The following NEK10 variants were observed in gnomAD, a reference collection of about 807,000 sequenced individuals.
The protein encoded by NEK10 is NIMA related kinase 10.
In NEK10, 122 loss-of-function variants were observed where a neutral mutation model predicts 159.8. The observed-to-expected ratio is 0.76, with a 90% CI of 0.66 to 0.89. The LOEUF (loss-of-function observed/expected upper bound fraction) is 0.89. Among genes scored for constraint, NEK10 ranks in the 40% least tolerant of loss-of-function variants. NEK10 has a pLI of 0.00. For missense variants in NEK10, 1,342 were observed against 1,323.1 expected (o/e 1.01, Z -0.22); for synonymous variants, 466 against 457.1 (o/e 1.02, Z -0.25).
intron 7 of NEK10, among the ~76,000 whole-genome samples, chr3:27,312,794 G>T (rs1275281327): frequency 6.6e-6 from 1 of 152,044 alleles, no homozygotes; most frequent in Non-Finnish European, 1.5e-5. Context: ...GAAATATTAA[G>T]TTATTAAATG....
chr3:27,259,444 G>C (rs143465073), intron 22 of NEK10, among the ~76,000 whole-genome samples: 21,397 of 152,028 alleles, frequency 0.14, 3,264 homozygotes, highest in African/African-American at 0.38. Context: ...TATGGCTAGC[G>C]AGTTTTCCCA....
intron 33 of NEK10, among the ~76,000 whole-genome samples, chr3:27,116,667 T>C (rs1426025017): frequency 6.6e-6 from 1 of 152,080 alleles, no homozygotes; most frequent in Non-Finnish European, 1.5e-5. Flanking sequence ...ATTATTATTA[T>C]CATCATCATC....
In NEK10 at chr3:27,112,286, A is replaced by G. The variant is rs79705823; in HGVS notation, c.3300-966T>C. 8.5e-4 allele frequency among the ~76,000 whole-genome samples: 130 copies of G among 152,288 alleles called. 1 individual carries two copies. Among genetic ancestry groups the G allele is most frequent in the Non-Finnish European group, 1.6e-3 (109 of 68,024 alleles). On this transcript the variant is annotated intron_variant, in intron 35 of 35. Coordinates refer to ENST00000691995, the MANE Select transcript of NEK10 (RefSeq NM_001394966.1). Reference sequence around the variant, plus strand: ...CACCTCTCTATTCTCTTCCTTAACTAAATATAAACCCTATAATTTAAACCA... The same window carrying G: ...CACCTCTCTATTCTCTTCCTTAACTGAATATAAACCCTATAATTTAAACCA...
rs3103743 is a variant in NEK10 at position 27,286,474 on chromosome 3, A to T, written c.1789+1224T>A. 8.6e-3 allele frequency among the ~76,000 whole-genome samples: 1,262 copies of T among 145,966 alleles called. 11 individuals carry two copies. The highest frequency in any genetic ancestry group is 0.03 in the African/African-American group (1,183 of 39,302). On this transcript the variant is annotated intron_variant, in intron 20 of 35. Coordinates refer to ENST00000691995, the MANE Select transcript of NEK10 (RefSeq NM_001394966.1). ...TTGGCTCAGTGCAACCTCTGCCTCC[A>T]GGGTTCAAGCAATTCTCCTGCCTCA...
intron 22 of NEK10, among the ~76,000 whole-genome samples, chr3:27,264,720 C>A (rs1237427815): frequency 6.6e-6 from 1 of 152,008 alleles, no homozygotes; most frequent in Non-Finnish European, 1.5e-5. Context: ...GGGGATATCC[C>A]ATCTCTACTA....
At chr3:27,123,577 T>A (rs1941576412) in intron 32 of NEK10, among the ~76,000 whole-genome samples, 1 of 152,160 alleles carries the variant, frequency 6.6e-6, no homozygotes. Context: ...AAAAAACACA[T>A]TAATGGATAA....
intron 1 of NEK10, among the ~76,000 whole-genome samples, chr3:27,360,095 A>T (rs144561671): frequency 8.9e-4 from 136 of 152,352 alleles, no homozygotes; most frequent in African/African-American, 3.2e-3. Context: ...TTACAGTTTA[A>T]AAAGGACATC....
intron 26 of NEK10, among the ~76,000 whole-genome samples, chr3:27,186,482 C>T (rs543021138): frequency 1.3e-5 from 2 of 152,326 alleles, no homozygotes; most frequent in South Asian, 4.1e-4. Context: ...GTGCAAGCCT[C>T]CTTGTTTTTC....
intron 22 of NEK10, among the ~76,000 whole-genome samples, chr3:27,262,453 T>C (rs2040499793): frequency 6.6e-6 from 1 of 152,226 alleles, no homozygotes; most frequent in South Asian, 2.1e-4. Flanking sequence ...ATTCTCCCCG[T>C]CACTTTCAGA....
chr3:27,309,778 C>G (rs1286674919), intron 9 of NEK10: 1 of 152,198 alleles, frequency 6.6e-6, no homozygotes, highest in African/African-American at 2.4e-5. Context: ...TTGAAACTTT[C>G]ATTCTTTTGC....
At chr3:27,317,888 C>T (rs2045329642) in intron 6 of NEK10, among the ~76,000 whole-genome samples, 1 of 152,074 alleles carries the variant, frequency 6.6e-6, no homozygotes, top group Non-Finnish European at 1.5e-5. Context: ...CTGCAAGCTC[C>T]GCCTCCCGGG....
At chr3:27,219,375 T>C (rs1951867921) in intron 23 of NEK10, among the ~76,000 whole-genome samples, 1 of 152,216 alleles carries the variant, frequency 6.6e-6, no homozygotes, top group Non-Finnish European at 1.5e-5. Flanking sequence ...CAGATGAATT[T>C]AGGATGAACT....
At position 27,353,665 on chromosome 3, in the gene NEK10, C is replaced by A. The variant is rs144417832; in HGVS notation, c.-37-746G>T. Among the ~76,000 whole-genome samples the A allele has an allele frequency of 5.5e-4, 83 of 152,236 alleles. 1 individual carries two copies. Among genetic ancestry groups the A allele is most frequent in the African/African-American group, 1.7e-3 (69 of 41,560 alleles). On this transcript the variant is annotated intron_variant, in intron 1 of 35. Transcript: ENST00000691995. Reference sequence around the variant, plus strand: ...CACAGGAGCACAACAATAACAGGTACAATATTAACACTTTAGGATTGTACC... The same window carrying A: ...CACAGGAGCACAACAATAACAGGTAAAATATTAACACTTTAGGATTGTACC...
In NEK10 at chr3:27,108,017, A is replaced by G. The variant is rs918970032; in HGVS notation, c.*3255T>C. Among the ~76,000 whole-genome samples, 1 of 152,206 alleles carries G rather than the reference A, an allele frequency of 6.6e-6. No individual in the cohort carries two copies. The highest frequency in any genetic ancestry group is 2.1e-4 in the South Asian group (1 of 4,826). On this transcript the variant is annotated 3_prime_UTR_variant, in exon 36 of 36. Transcript: ENST00000691995. Reference sequence around the variant, plus strand: ...CTAGCCAATATTACAGTCTTCACACATCTTAAAAATGAGTGGTGATTAATT... The same window carrying G: ...CTAGCCAATATTACAGTCTTCACACGTCTTAAAAATGAGTGGTGATTAATT...
At chr3:27,157,987 C>T (rs1945652690) in intron 30 of NEK10, among the ~76,000 whole-genome samples, 1 of 152,096 alleles carries the variant, frequency 6.6e-6, no homozygotes, top group South Asian at 2.1e-4. Context: ...TATTTTTAGA[C>T]ATAATATTAT....
chr3:27,188,055 T>C (rs2148956576), intron 26 of NEK10, among the ~76,000 whole-genome samples: 1 of 152,312 alleles, frequency 6.6e-6, no homozygotes, highest in African/African-American at 2.4e-5. Flanking sequence ...TCCCTTTCCT[T>C]GTGCAATTAA....
intron 23 of NEK10, among the ~76,000 whole-genome samples, chr3:27,211,230 G>C (rs1950985155): frequency 6.6e-6 from 1 of 152,076 alleles, no homozygotes; most frequent in Non-Finnish European, 1.5e-5. Flanking sequence ...TGTAGAATCT[G>C]TTCATGAGAT....
At chr3:27,160,916 A>G (rs1378119978) in intron 30 of NEK10, among the ~76,000 whole-genome samples, 3 of 152,164 alleles carry the variant, frequency 2.0e-5, no homozygotes, top group Non-Finnish European at 4.4e-5. Flanking sequence ...AAAAAAATAA[A>G]AAATGCTTTT....
chr3:27,269,198 G>T (rs990210612), intron 22 of NEK10, among the ~76,000 whole-genome samples: 1 of 152,102 alleles, frequency 6.6e-6, no homozygotes, highest in Non-Finnish European at 1.5e-5. Context: ...TTGTTAAAAT[G>T]ACAAGAAAAG....
Sources: allele counts gnomAD v4.1 joint callset (sites outside exome capture counted in the v4.1 genomes callset), GRCh38; gene constraint gnomAD v4.1.1; transcripts MANE v1.5; gene names NCBI Gene and HGNC (gene_info 2026-07-23, HGNC 2026-07-21).